The following PPP3CA variants were observed in gnomAD, a reference collection of about 807,000 sequenced individuals.
PPP3CA encodes protein phosphatase 3 catalytic subunit alpha, also known as CAM-PRP catalytic subunit.
In PPP3CA, 14 loss-of-function variants were observed where a neutral mutation model predicts 66.5. The observed-to-expected ratio is 0.21, with a 90% CI of 0.14 to 0.33. The LOEUF (loss-of-function observed/expected upper bound fraction) is 0.33, where lower values mean the gene tolerates loss of function less well. PPP3CA is among the 10% of genes least tolerant of loss of function. PPP3CA has a pLI of 1.00. For missense variants in PPP3CA, 317 were observed against 639.5 expected (o/e 0.50, Z 5.44); for synonymous variants, 232 against 226.2 (o/e 1.03, Z -0.23).
intron 1 of PPP3CA, among the ~76,000 whole-genome samples, chr4:101,224,388 G>A (rs778576101): frequency 1.5e-4 from 22 of 151,704 alleles, no homozygotes; most frequent in Non-Finnish European, 2.7e-4. Flanking sequence ...TATCAGTCAA[G>A]GCCCTTTACT....
intron 2 of PPP3CA, among the ~76,000 whole-genome samples, chr4:101,193,829 A>G (rs1000588756): frequency 6.6e-6 from 1 of 152,238 alleles, no homozygotes; most frequent in African/African-American, 2.4e-5. Context: ...TAGATTTCCA[A>G]TAACTAGGAC....
chr4:101,190,390 A>G (rs993801117), intron 2 of PPP3CA, among the ~76,000 whole-genome samples: 1 of 152,174 alleles, frequency 6.6e-6, no homozygotes, highest in African/African-American at 2.4e-5. Context: ...TGAGAACATA[A>G]AAGGGATGTT....
chr4:101,046,396 A>T (rs1044682710), intron 10 of PPP3CA, among the ~76,000 whole-genome samples: 1 of 152,090 alleles, frequency 6.6e-6, no homozygotes, highest in African/African-American at 2.4e-5. Context: ...ACCTTTCCCA[A>T]TTGATCATTA....
intron 10 of PPP3CA, among the ~76,000 whole-genome samples, chr4:101,059,524 T>C (rs901803601): frequency 1.1e-4 from 16 of 152,166 alleles, no homozygotes; most frequent in African/African-American, 3.9e-4. Context: ...CATGAGTGTA[T>C]GAACAGGTTT....
chr4:101,259,703 G>T (rs1391939558), intron 1 of PPP3CA, among the ~76,000 whole-genome samples: 1 of 152,076 alleles, frequency 6.6e-6, no homozygotes, highest in Non-Finnish European at 1.5e-5. Context: ...AGTTGTTTTA[G>T]ATTCCTTGGA....
chr4:101,075,554 G>A (rs990330088), intron 8 of PPP3CA, among the ~76,000 whole-genome samples: 2 of 152,048 alleles, frequency 1.3e-5, no homozygotes, highest in Admixed American at 6.6e-5. Context: ...ACCTACTGTC[G>A]TTTACTTTAG....
At position 101,024,066 on chromosome 4, in the gene PPP3CA, G is replaced by GT. The variant is rs1253599702; in HGVS notation, c.*1798dup. Reference sequence around the variant, plus strand: ...TTTTTCAATAAAAAGGAATGCTCTGGTTTTTTAACTGGCTCCTTGAGGAAG... The same window carrying GT: ...TTTTTCAATAAAAAGGAATGCTCTGGTTTTTTTAACTGGCTCCTTGAGGAAG... On this transcript the variant is annotated 3_prime_UTR_variant, in exon 14 of 14. Coordinates refer to ENST00000394854, the MANE Select transcript of PPP3CA (RefSeq NM_000944.5). 2.6e-5 allele frequency: 4 copies of GT among 152,220 alleles called. No individual in the cohort carries two copies. The highest frequency in any genetic ancestry group is 7.2e-5 in the African/African-American group (3 of 41,450). 9.4% of individuals were successfully genotyped at this position (152,220 alleles called of 1,614,324 possible). A position where few individuals can be genotyped will look rare whatever the true frequency, so the allele number is the denominator to read the frequency against.
chr4:101,232,211 G>C (rs1270840201), intron 1 of PPP3CA, among the ~76,000 whole-genome samples: 1 of 151,452 alleles, frequency 6.6e-6, no homozygotes, highest in African/African-American at 2.4e-5. Context: ...TTCCTAAAAA[G>C]AAAAAAATTG....
At chr4:101,197,414 G>A (rs991597241) in intron 1 of PPP3CA, among the ~76,000 whole-genome samples, 1 of 152,314 alleles carries the variant, frequency 6.6e-6, no homozygotes, top group Admixed American at 6.5e-5. Flanking sequence ...TCACTATGCT[G>A]TCATATTGAA....
intron 5 of PPP3CA, among the ~76,000 whole-genome samples, chr4:101,095,122 C>T (rs1730136961): frequency 6.6e-6 from 1 of 151,976 alleles, no homozygotes; most frequent in Non-Finnish European, 1.5e-5. Flanking sequence ...TACATTTCAA[C>T]CATTATGTTA....
chr4:101,225,850 A>G (rs1725765196), intron 1 of PPP3CA, among the ~76,000 whole-genome samples: 2 of 151,818 alleles, frequency 1.3e-5, no homozygotes, highest in South Asian at 2.1e-4. Flanking sequence ...TAAAAAGCAA[A>G]TATCAATATG....
chr4:101,048,758 T>C (rs28535640), intron 10 of PPP3CA, among the ~76,000 whole-genome samples: 9,681 of 152,026 alleles, frequency 0.064, 351 homozygotes, highest in African/African-American at 0.093. Flanking sequence ...CTAAAGCAAA[T>C]ATTCTGAATT....
In PPP3CA at chr4:101,093,852, G is replaced by C. The variant is rs756099128; in HGVS notation, c.706C>G (p.Leu236Val). 33 of 1,613,448 alleles carry C rather than the reference G, an allele frequency of 2.0e-5. No individual in the cohort carries two copies. The highest frequency in any genetic ancestry group is 2.7e-5 in the Non-Finnish European group (32 of 1,179,632). The change falls in exon 6 of 14, where the codon CTG becomes GTG. Residue 236 changes from leucine (L) to valine (V), a missense_variant. By Grantham distance (32) the Leu-to-Val change is conservative. This residue lies in a region of PPP3CA where 201 missense variants were observed against 501.4 expected (regional missense o/e 0.40). Transcript: ENST00000394854. ...PMCDILWSDP[L>V]EDFGNEKTQE... ...GTCTTCTCATTTCCAAAATCTTCCA[G>C]GGGGTCTGACCACAGGATATCACAC...
At chr4:101,181,037 C>T (rs1724220449) in intron 2 of PPP3CA, among the ~76,000 whole-genome samples, 1 of 151,876 alleles carries the variant, frequency 6.6e-6, no homozygotes, top group Non-Finnish European at 1.5e-5. Context: ...AGTGACAAAG[C>T]AAGACCCTGT....
intron 1 of PPP3CA, among the ~76,000 whole-genome samples, chr4:101,331,885 G>A (rs1729399224): frequency 6.6e-6 from 1 of 152,136 alleles, no homozygotes; most frequent in Admixed American, 6.5e-5. Context: ...AATATACAGA[G>A]TTCCTGCAAA....
chr4:101,251,211 G>A (rs1726666845), intron 1 of PPP3CA, among the ~76,000 whole-genome samples: 1 of 151,920 alleles, frequency 6.6e-6, no homozygotes, highest in Non-Finnish European at 1.5e-5. Context: ...AACAACTGGG[G>A]AGAGCTGAAC....
chr4:101,301,368 A>C (rs1728369987), intron 1 of PPP3CA, among the ~76,000 whole-genome samples: 1 of 150,034 alleles, frequency 6.7e-6, no homozygotes, highest in Non-Finnish European at 1.5e-5. Flanking sequence ...CACCCAATTC[A>C]ATTGATAATC....
intron 1 of PPP3CA, among the ~76,000 whole-genome samples, chr4:101,274,967 T>A (rs1238391003): frequency 1.3e-5 from 2 of 152,228 alleles, no homozygotes; most frequent in African/African-American, 4.8e-5. Context: ...ATAATTGACA[T>A]CTTTTTTATT....
intron 1 of PPP3CA, among the ~76,000 whole-genome samples, chr4:101,336,677 C>T (rs182412634): frequency 6.6e-6 from 1 of 151,798 alleles, no homozygotes; most frequent in East Asian, 1.9e-4. Flanking sequence ...TAGGACAATG[C>T]TAAGAACAAG....
Sources: allele counts gnomAD v4.1 joint callset (sites outside exome capture counted in the v4.1 genomes callset), GRCh38; gene constraint gnomAD v4.1.1; regional missense constraint gnomAD v4.1.1; transcripts MANE v1.5; gene names NCBI Gene and HGNC (gene_info 2026-07-23, HGNC 2026-07-21).